NBEAL1: variants seen among roughly 807,000 people sequenced by gnomAD.
NBEAL1 encodes the protein neurobeachin-like protein 1.
In NBEAL1, 273 loss-of-function variants were observed where a neutral mutation model predicts 351.3. That is an observed-to-expected ratio of 0.78 (90% CI 0.70 to 0.86). The LOEUF is 0.86. Ranked by LOEUF, NBEAL1 falls within the 40% of genes least tolerant of loss-of-function variation. The pLI is 0.00. For missense variants in NBEAL1, 2,961 were observed against 3,201.3 expected (o/e 0.92, Z 1.81); for synonymous variants, 1,050 against 1,086.4 (o/e 0.97, Z 0.66).
chr2:203,040,507 G>A, intron 2 of NBEAL1: 1 of 677,196 alleles, frequency 1.5e-6, no homozygotes, highest in East Asian at 3.1e-5. Context: ...GCTGCTTATA[G>A]TGGAAACTTA....
intron 2 of NBEAL1, among the ~76,000 whole-genome samples, chr2:203,022,729 G>T (rs1033311462): frequency 1.3e-5 from 2 of 152,058 alleles, no homozygotes; most frequent in Admixed American, 6.6e-5. Flanking sequence ...ATAATAGAGG[G>T]CAATATTCTC....
chr2:203,193,340 A>G (rs2065148933), intron 46 of NBEAL1, among the ~76,000 whole-genome samples: 1 of 152,136 alleles, frequency 6.6e-6, no homozygotes, highest in Non-Finnish European at 1.5e-5. Flanking sequence ...AATTTTGAAT[A>G]CTACATTTAA....
At chr2:203,130,236 A>T in intron 24 of NBEAL1, 82 bp from the exon 25 acceptor site, 1 of 1,270,778 alleles carries the variant, frequency 7.9e-7, no homozygotes, top group Non-Finnish European at 1.1e-6. Context: ...GATTTAATTA[A>T]ATAACTTTTG....
At chr2:203,050,899 A>G (rs1325432753) in intron 4 of NBEAL1, among the ~76,000 whole-genome samples, 1 of 152,262 alleles carries the variant, frequency 6.6e-6, no homozygotes. Context: ...TAAGAATTCA[A>G]GAACCATTGG....
At chr2:203,047,231 T>C (rs1574892691) in intron 3 of NBEAL1, among the ~76,000 whole-genome samples, 2 of 147,612 alleles carry the variant, frequency 1.4e-5, no homozygotes, top group Admixed American at 6.8e-5. Flanking sequence ...AGAGCGAAAC[T>C]CCATCTCAAA....
intron 43 of NBEAL1, chr2:203,181,461 G>C (rs1208096084): frequency 1.3e-5 from 2 of 152,140 alleles, no homozygotes; most frequent in African/African-American, 4.8e-5. Context: ...TTTTGAAGTA[G>C]AGAAGTATGG....
chr2:203,131,904 A>AT, intron 25 of NBEAL1, 69 bp from the exon 26 acceptor site: 1 of 1,156,742 alleles, frequency 8.6e-7, no homozygotes, highest in Non-Finnish European at 1.2e-6. Flanking sequence ...ATAAGTTAAC[A>AT]TTTTTAATGT....
At chr2:203,106,846 T>C (rs1403010249) in intron 12 of NBEAL1, among the ~76,000 whole-genome samples, 3 of 152,192 alleles carry the variant, frequency 2.0e-5, no homozygotes, top group Admixed American at 6.5e-5. Flanking sequence ...TTTATGACTT[T>C]GGGTGCCTAC....
intron 6 of NBEAL1, among the ~76,000 whole-genome samples, chr2:203,067,687 GA>G (rs2061616767): frequency 6.6e-6 from 1 of 151,808 alleles, no homozygotes; most frequent in Admixed American, 6.6e-5. Context: ...TTTTTTTAGG[GA>G]ATGAAAAAAT....
At chr2:203,109,742 A>T (rs979528156) in intron 14 of NBEAL1, among the ~76,000 whole-genome samples, 1 of 151,862 alleles carries the variant, frequency 6.6e-6, no homozygotes, top group Non-Finnish European at 1.5e-5. Context: ...CTGGTCTCGA[A>T]CTCCTGACCT....
intron 33 of NBEAL1, 23 bp downstream of exon 33, chr2:203,145,183 T>C (rs374059615): frequency 8.8e-6 from 14 of 1,585,474 alleles, no homozygotes; most frequent in African/African-American, 1.4e-5. Flanking sequence ...TGTTTTAATA[T>C]CTAGTTTTTC....
Position 203,175,192 on chromosome 2 carries a change from C to T in NBEAL1, c.6369C>T (p.His2123=), listed in dbSNP as rs1482104607. The T allele has an allele frequency of 6.2e-7, 1 of 1,613,176 alleles. No individual in the cohort carries two copies. The highest frequency in any genetic ancestry group is 8.5e-7 in the Non-Finnish European group (1 of 1,179,430). Residue 2123 remains histidine, a synonymous_variant, in exon 42 of 56, where the codon CAC becomes CAT. Coordinates refer to ENST00000683969, the MANE Select transcript of NBEAL1 (RefSeq NM_001378026.1). ...CTATGGGAACTATTGATAAGTTTCA[C>T]TATGGTACTCACTATTCAAATTCTG... ...EDPMGTIDKF[H]YGTHYSNSAG... is the part of the protein sequence containing the mutation.
intron 10 of NBEAL1, among the ~76,000 whole-genome samples, chr2:203,096,746 C>A (rs116619592): frequency 7.0e-4 from 107 of 152,170 alleles, no homozygotes; most frequent in African/African-American, 2.5e-3. Flanking sequence ...AATGCTGCAC[C>A]GTGACCTCCC....
chr2:203,147,420 T>A (rs1437159536), intron 33 of NBEAL1, among the ~76,000 whole-genome samples: 1 of 152,098 alleles, frequency 6.6e-6, no homozygotes, highest in Non-Finnish European at 1.5e-5. Flanking sequence ...ACAATAGCTC[T>A]AAAAATAATA....
intron 46 of NBEAL1, among the ~76,000 whole-genome samples, chr2:203,191,988 TATTGA>T (rs770734426): frequency 3.8e-4 from 58 of 152,234 alleles, no homozygotes; most frequent in Non-Finnish European, 7.2e-4. Context: ...TTGAATACAG[TATTGA>T]ATTGAAATCG....
chr2:203,144,756 G>T lies in NBEAL1; in HGVS notation c.5005G>T (p.Val1669Phe). 6.2e-7 allele frequency: 1 copy of T among 1,614,110 alleles called. No homozygotes were observed. Among genetic ancestry groups the T allele is most frequent in the Non-Finnish European group, 8.5e-7 (1 of 1,180,008 alleles). Residue 1669 changes from valine to phenylalanine, a missense_variant, in exon 32 of 56, where the codon GTT (valine) becomes TTT (phenylalanine). Coordinates refer to ENST00000683969, the MANE Select transcript of NBEAL1 (RefSeq NM_001378026.1). ...TEIYSFLIPL[V>F]RTLVSKIYEL... ...AATCTACTCATTTCTGATTCCCCTT[G>T]TTCGTACCCTGGTTTCCAAAATTTA...
At position 203,138,258 on chromosome 2, in the gene NBEAL1, C is replaced by T; in HGVS notation, c.4662C>T (p.Ile1554=). 1 of 1,613,918 alleles carries T rather than the reference C, an allele frequency of 6.2e-7. No homozygotes were observed. Among genetic ancestry groups the T allele is most frequent in the Non-Finnish European group, 8.5e-7 (1 of 1,179,824 alleles). Residue 1554 remains isoleucine (I), a synonymous_variant, in exon 30 of 56, where the codon ATC becomes ATT. Coordinates refer to ENST00000683969, the MANE Select transcript of NBEAL1 (RefSeq NM_001378026.1). ...TAENAFRLVL[I]IQDFLQSEGL... is the part of the protein sequence containing the mutation. ...AAAACGCCTTCCGACTAGTGCTGAT[C>T]ATACAGGACTTTCTTCAGTCAGAGG...
At chr2:203,065,215 C>G (rs2061561231) in intron 6 of NBEAL1, among the ~76,000 whole-genome samples, 1 of 152,046 alleles carries the variant, frequency 6.6e-6, no homozygotes, top group Non-Finnish European at 1.5e-5. Context: ...ACTGGGATAG[C>G]ACCATTTCAC....
chr2:203,110,755 A>C, intron 15 of NBEAL1, among the ~76,000 whole-genome samples: 1 of 123,542 alleles, frequency 8.1e-6, no homozygotes, highest in African/African-American at 2.9e-5. Flanking sequence ...CTATAAGTAA[A>C]TTTTCTTTTT....
Sources: allele counts gnomAD v4.1 joint callset (sites outside exome capture counted in the v4.1 genomes callset), GRCh38; gene constraint gnomAD v4.1.1; transcripts MANE v1.5; gene names NCBI Gene and HGNC (gene_info 2026-07-23, HGNC 2026-07-21).